Variants in TENT5D observed in about 807,000 individuals in gnomAD.
TENT5D encodes cancer/testis antigen 112.
For synonymous variants in TENT5D, 103 were observed against 100.6 expected (o/e 1.02, Z -0.15); for missense variants, 191 against 287.0 (o/e 0.67, Z 2.42).
chrX:80,357,979 G>T (rs140267626), intron 3 of TENT5D, among the ~76,000 whole-genome samples: 1 of 111,122 alleles, frequency 9.0e-6, no homozygotes. Flanking sequence ...ATAGACCAAT[G>T]GAACAGAACA....
At chrX:80,397,115 G>A (rs1380497304) in intron 3 of TENT5D, among the ~76,000 whole-genome samples, 9 of 94,634 alleles carry the variant, frequency 9.5e-5, no homozygotes, top group Non-Finnish European at 1.9e-4. Flanking sequence ...CGGGCGGAGG[G>A]GCTCCTCACT....
intron 3 of TENT5D, among the ~76,000 whole-genome samples, chrX:80,390,639 A>G (rs753305464): frequency 9.0e-6 from 1 of 111,622 alleles, no homozygotes; most frequent in South Asian, 3.8e-4. Flanking sequence ...ACATAGGACT[A>G]TTGGAATCAG....
intron 3 of TENT5D, among the ~76,000 whole-genome samples, chrX:80,385,513 C>T (rs908048278): frequency 2.7e-5 from 3 of 111,818 alleles, no homozygotes; most frequent in African/African-American, 9.8e-5. Context: ...TAGGCATGGG[C>T]AAGGACTTCA....
intron 3 of TENT5D, among the ~76,000 whole-genome samples, chrX:80,391,107 T>G (rs1931116347): frequency 9.0e-6 from 1 of 111,682 alleles, no homozygotes; most frequent in African/African-American, 3.3e-5. Flanking sequence ...CATCAAAAAT[T>G]TTGAGCACCT....
intron 1 of TENT5D, among the ~76,000 whole-genome samples, chrX:80,435,793 A>G (rs1466243631): frequency 1.8e-5 from 2 of 112,638 alleles, no homozygotes; most frequent in Non-Finnish European, 3.8e-5. Context: ...ACACATATTT[A>G]GTTCTTTCTT....
intron 1 of TENT5D, among the ~76,000 whole-genome samples, chrX:80,427,281 G>T: frequency 3.6e-5 from 1 of 27,732 alleles, no homozygotes; most frequent in South Asian, 7.6e-4. Flanking sequence ...ATAATTAGAG[G>T]CATATGGTTA....
At chrX:80,409,905 AT>A (rs1274821654) in intron 3 of TENT5D, among the ~76,000 whole-genome samples, 1 of 107,464 alleles carries the variant, frequency 9.3e-6, no homozygotes. Context: ...AGAGATATAG[AT>A]CAATGGAACA....
rs768827836 is a variant in TENT5D at position 80,442,865 on chromosome X, T to C, written c.326T>C (p.Leu109Pro). ...AAAGATGCAGTTCTAGACTGTCTAC[T>C]TGACTTTTTACCAAAAGATGTAAAG... The change falls in exon 3 of 3, where the codon CTT (leucine) becomes CCT (proline). Residue 109 changes from leucine to proline, a missense_variant. Coordinates refer to ENST00000308293, the Ensembl canonical transcript of TENT5D. 3.8e-5 allele frequency: 46 copies of C among 1,211,046 alleles called. No homozygotes were observed. The highest frequency in any genetic ancestry group is 8.8e-5 in the South Asian group (5 of 56,980).
chrX:80,386,210 T>A (rs1931000442), intron 3 of TENT5D, among the ~76,000 whole-genome samples: 2 of 112,295 alleles, frequency 1.8e-5, no homozygotes, highest in Admixed American at 1.9e-4. Context: ...TAAGAAAATG[T>A]GGCACATATA....
At chrX:80,407,899 A>C (rs1931540022) in intron 3 of TENT5D, among the ~76,000 whole-genome samples, 1 of 110,432 alleles carries the variant, frequency 9.1e-6, no homozygotes, top group Non-Finnish European at 1.9e-5. Flanking sequence ...ATAACAAACT[A>C]TCTCTCAGAC....
intron 3 of TENT5D, among the ~76,000 whole-genome samples, chrX:80,347,477 A>T (rs1483064637): frequency 3.6e-5 from 4 of 111,750 alleles, no homozygotes; most frequent in Non-Finnish European, 5.7e-5. Flanking sequence ...ATGTCTTGAG[A>T]AATGTCTGTT....
chrX:80,391,656 G>C (rs1931129754), intron 3 of TENT5D, among the ~76,000 whole-genome samples: 1 of 112,204 alleles, frequency 8.9e-6, no homozygotes, highest in African/African-American at 3.2e-5. Flanking sequence ...ACCCTGAGAA[G>C]TATAAAGTAT....
chrX:80,411,900 G>A (rs1369255734), intron 3 of TENT5D, among the ~76,000 whole-genome samples: 1 of 111,862 alleles, frequency 8.9e-6, no homozygotes, highest in Non-Finnish European at 1.9e-5. Flanking sequence ...TTGGAGGATG[G>A]TGGCCATCTT....
At chrX:80,348,389 T>C (rs1930109846) in intron 3 of TENT5D, among the ~76,000 whole-genome samples, 1 of 111,495 alleles carries the variant, frequency 9.0e-6, no homozygotes, top group African/African-American at 3.3e-5. Context: ...TCACATCCCT[T>C]GTAAGTTGGA....
chrX:80,369,778 T>C (rs1402806307), intron 3 of TENT5D, among the ~76,000 whole-genome samples: 2 of 112,222 alleles, frequency 1.8e-5, no homozygotes, highest in African/African-American at 6.5e-5. Context: ...ATTTGTCTTA[T>C]ATGCAAGTTT....
chrX:80,374,901 G>T (rs1219390689), intron 3 of TENT5D, among the ~76,000 whole-genome samples: 1 of 110,951 alleles, frequency 9.0e-6, no homozygotes, highest in Admixed American at 9.7e-5. Flanking sequence ...CCATTTTTGG[G>T]GGGTGTCATG....
intron 2 of TENT5D, among the ~76,000 whole-genome samples, chrX:80,341,789 G>A (rs1929963295): frequency 1.0e-5 from 1 of 99,344 alleles, no homozygotes; most frequent in African/African-American, 3.7e-5. Context: ...TCGGCTCACT[G>A]CAAGCTCCGC....
At chrX:80,372,716 G>A (rs916717849) in intron 3 of TENT5D, among the ~76,000 whole-genome samples, 4 of 109,096 alleles carry the variant, frequency 3.7e-5, no homozygotes, top group Admixed American at 2.0e-4. Flanking sequence ...GTGAAACCCC[G>A]TCTCTACTAA....
At chrX:80,414,176 G>T (rs1242941948) in intron 3 of TENT5D, among the ~76,000 whole-genome samples, 1 of 111,708 alleles carries the variant, frequency 9.0e-6, no homozygotes, top group Non-Finnish European at 1.9e-5. Flanking sequence ...TTTGTTGTTG[G>T]CAGCAAGTAA....
Sources: gnomAD v4.1 joint callset for allele counts (sites outside exome capture counted in the v4.1 genomes callset) on GRCh38, gnomAD v4.1.1 for gene constraint, MANE v1.5 for transcripts, NCBI Gene and HGNC (gene_info 2026-07-23, HGNC 2026-07-21) for gene names.